IGFBP7: variants seen among roughly 807,000 people sequenced by gnomAD.
IGFBP7 encodes insulin-like growth factor-binding protein 7.
Under a neutral mutation model 29.4 loss-of-function variants are expected in IGFBP7, and 31 were observed. That is an observed-to-expected ratio of 1.05 (90% CI 0.79 to 1.42). The LOEUF is 1.42. IGFBP7 is among the 40% of genes most tolerant of loss of function. The probability of loss-of-function intolerance (pLI) is 0.00; values close to 1 mark genes in which losing one functional copy is unlikely to be tolerated. For synonymous variants in IGFBP7, 172 were observed against 174.9 expected (o/e 0.98, Z 0.13); for missense variants, 393 against 395.5 (o/e 0.99, Z 0.05).
chr4:57,055,126 T>G (rs1724623051), intron 1 of IGFBP7, among the ~76,000 whole-genome samples: 1 of 152,126 alleles, frequency 6.6e-6, no homozygotes, highest in Admixed American at 6.5e-5. Flanking sequence ...TGGAAAAGAT[T>G]TCATAGCGGG....
intron 2 of IGFBP7, among the ~76,000 whole-genome samples, chr4:57,037,899 A>T (rs1724122481): frequency 6.6e-6 from 1 of 152,198 alleles, no homozygotes; most frequent in South Asian, 2.1e-4. Flanking sequence ...CCAAATTAGC[A>T]GTGAGGAACG....
chr4:57,032,280 A>C, intron 4 of IGFBP7, 146 bp downstream of exon 4: 1 of 1,445,838 alleles, frequency 6.9e-7, no homozygotes. Flanking sequence ...CATGCTGTAC[A>C]TTTTAATGGC....
At chr4:57,073,229 C>T (rs1725107634) in intron 1 of IGFBP7, 1 of 708,214 alleles carries the variant, frequency 1.4e-6, no homozygotes, top group Admixed American at 4.1e-5. Context: ...GTATCTTGAG[C>T]TGTGGTATTA....
intron 1 of IGFBP7, among the ~76,000 whole-genome samples, chr4:57,066,793 C>T (rs2109771084): frequency 6.6e-6 from 1 of 152,026 alleles, no homozygotes; most frequent in African/African-American, 2.4e-5. Context: ...GAACTCCTGA[C>T]CTCAGGTGAT....
chr4:57,065,663 G>C (rs1339513079), intron 1 of IGFBP7: 1 of 152,198 alleles, frequency 6.6e-6, no homozygotes, highest in South Asian at 2.1e-4. Context: ...AAGACGGCCC[G>C]ATGGCACCGT....
chr4:57,044,230 C>T (rs1182336709), intron 1 of IGFBP7, among the ~76,000 whole-genome samples: 1 of 152,180 alleles, frequency 6.6e-6, no homozygotes, highest in African/African-American at 2.4e-5. Context: ...GCAGGGTCAT[C>T]GGTCTTGGGC....
At chr4:57,096,688 C>A (rs1376930000) in intron 1 of IGFBP7, among the ~76,000 whole-genome samples, 1 of 152,166 alleles carries the variant, frequency 6.6e-6, no homozygotes, top group Non-Finnish European at 1.5e-5. Context: ...GAAAAGTTAT[C>A]CAGCTTCTTA....
rs191297171 is a variant in IGFBP7 at position 57,040,788 on chromosome 4, C to A, written c.585+36G>T. 5.8e-6 allele frequency: 8 copies of A among 1,376,500 alleles called. No individual in the cohort carries two copies. In the East Asian group the frequency reaches 1.8e-4, roughly 31 times the overall value. The allele number at this position is 1,376,500 out of a possible 1,614,324, so 85.3% of individuals were successfully genotyped here. ...CTTGTGCAGTGCAAGAGAAGCTTGT[C>A]AGCCTAGGATGTCTCTTAAAGTCTG... On this transcript the variant is annotated intron_variant, in intron 2 of 4. Coordinates refer to ENST00000295666, the MANE Select transcript of IGFBP7 (RefSeq NM_001553.3).
At chr4:57,104,726 G>A (rs114547570) in intron 1 of IGFBP7, among the ~76,000 whole-genome samples, 1,573 of 152,170 alleles carry the variant, frequency 0.01, 38 homozygotes, top group African/African-American at 0.036. Context: ...AATTTTACTC[G>A]GCAAGGGGAT....
intron 1 of IGFBP7, among the ~76,000 whole-genome samples, chr4:57,095,604 G>A (rs1578649470): frequency 1.3e-5 from 2 of 152,320 alleles, no homozygotes; most frequent in East Asian, 3.9e-4. Flanking sequence ...GCTCAGAGAG[G>A]TTAAGTAGAT....
At chr4:57,053,785 C>CA (rs1302549445) in intron 1 of IGFBP7, among the ~76,000 whole-genome samples, 2 of 150,902 alleles carry the variant, frequency 1.3e-5, no homozygotes, top group Non-Finnish European at 2.9e-5. Context: ...GTGATGTTAA[C>CA]ATAGCCTTGG....
chr4:57,056,385 C>T (rs1396588494), intron 1 of IGFBP7, among the ~76,000 whole-genome samples: 1 of 152,040 alleles, frequency 6.6e-6, no homozygotes, highest in Non-Finnish European at 1.5e-5. Flanking sequence ...GTGTGTGTGT[C>T]TTGGGTACTT....
At chr4:57,040,774 C>T in intron 2 of IGFBP7, 50 bp downstream of exon 2, 1 of 1,264,294 alleles carries the variant, frequency 7.9e-7, no homozygotes. Context: ...TTGTGCAGTG[C>T]AAGAGAAGCT....
chr4:57,078,686 AT>A (rs34999031), intron 1 of IGFBP7, among the ~76,000 whole-genome samples: 45 of 148,272 alleles, frequency 3.0e-4, no homozygotes, highest in African/African-American at 4.7e-4. Context: ...TGAGTTTAGG[AT>A]TTTTTTTTTT....
At chr4:57,039,461 G>A (rs11573116) in intron 2 of IGFBP7, among the ~76,000 whole-genome samples, 79 of 152,086 alleles carry the variant, frequency 5.2e-4, no homozygotes, top group Admixed American at 2.3e-3. Flanking sequence ...TCTCACGACA[G>A]GGGGGATGGG....
intron 2 of IGFBP7, among the ~76,000 whole-genome samples, chr4:57,034,525 AT>A (rs1476186881): frequency 1.3e-5 from 2 of 151,928 alleles, no homozygotes; most frequent in Non-Finnish European, 2.9e-5. Context: ...TAAAGACCAG[AT>A]AATAGTGTGT....
chr4:57,036,629 G>A (rs1724090494), intron 2 of IGFBP7, among the ~76,000 whole-genome samples: 1 of 152,182 alleles, frequency 6.6e-6, no homozygotes, highest in South Asian at 2.1e-4. Flanking sequence ...TTTGCTGAAA[G>A]GTATGGGGCT....
At chr4:57,046,600 T>C (rs1432867260) in intron 1 of IGFBP7, among the ~76,000 whole-genome samples, 4 of 152,330 alleles carry the variant, frequency 2.6e-5, no homozygotes, top group Non-Finnish European at 1.5e-5. Context: ...CACAGAATTC[T>C]TAAATGTATA....
Position 57,073,161 on chromosome 4 carries a change from G to A in IGFBP7, c.476-32228C>T, listed in dbSNP as rs551802843. The A allele has an allele frequency of 1.0e-4, 158 of 1,557,916 alleles. 1 individual carries two copies. The highest frequency in any genetic ancestry group is 1.0e-3 in the East Asian group (44 of 43,996). ...AGGCTGCCCAGCCTGTCCTTGTGTC[G>A]TCTTTTTAAGTTTTCCTTAGATGGT... is the stretch of plus-strand genomic sequence containing the variant. On this transcript the variant is annotated intron_variant, in intron 1 of 4. Transcript: ENST00000295666.
Sources: allele counts gnomAD v4.1 joint callset (sites outside exome capture counted in the v4.1 genomes callset), GRCh38; gene constraint gnomAD v4.1.1; transcripts MANE v1.5; gene names NCBI Gene and HGNC (gene_info 2026-07-23, HGNC 2026-07-21).